CPPED1: variants seen among roughly 807,000 people sequenced by gnomAD.
CPPED1 encodes the protein calcineurin like phosphoesterase domain containing 1.
Under a neutral mutation model 28.0 loss-of-function variants are expected in CPPED1, and 28 were observed. The ratio of observed to expected loss-of-function variants is 1.00; its 90% CI spans 0.74 to 1.37. CPPED1 has a LOEUF of 1.37. Ranked by LOEUF, CPPED1 falls within the 40% of genes most tolerant of loss-of-function variation. The probability of loss-of-function intolerance (pLI) is 0.00; values close to 1 mark genes in which losing one functional copy is unlikely to be tolerated. For synonymous variants in CPPED1, 198 were observed against 180.2 expected (o/e 1.10, Z -0.79); for missense variants, 504 against 416.5 (o/e 1.21, Z -1.83).
intron 3 of CPPED1, among the ~76,000 whole-genome samples, chr16:12,672,917 G>A (rs181097535): frequency 2.5e-4 from 38 of 152,282 alleles, no homozygotes; most frequent in Middle Eastern, 6.8e-3. Flanking sequence ...GGGAGGCTGA[G>A]GCATAAGAAT....
intron 3 of CPPED1, among the ~76,000 whole-genome samples, chr16:12,686,331 G>A (rs1259122171): frequency 3.3e-5 from 5 of 151,800 alleles, no homozygotes; most frequent in African/African-American, 1.2e-4. Context: ...AGCTTCCCCA[G>A]TAGCTGGGAC....
chr16:12,664,901 C>T lies in CPPED1; in HGVS notation c.930G>A (p.Leu310=). The change falls in exon 4 of 4, where the codon TTG becomes TTA. Residue 310 remains leucine, a synonymous_variant. Coordinates refer to ENST00000381774, the MANE Select transcript of CPPED1 (RefSeq NM_018340.3). The surrounding 1 kb of genome is among the most constrained non-coding windows in gnomAD (Gnocchi z 4.2). Reference sequence around the variant, plus strand: ...GGAAGGAGCGTCATTTTTTCTTGATCAAATCCATGAGATCGTCTTCTATTC... The same window carrying T: ...GGAAGGAGCGTCATTTTTTCTTGATTAAATCCATGAGATCGTCTTCTATTC... The part of the protein sequence containing the change: ...EKGIEDDLMD[L]IKKK 4 of 1,604,302 alleles carry T rather than the reference C, an allele frequency of 2.5e-6. No homozygotes were observed. The highest frequency in any genetic ancestry group is 3.4e-6 in the Non-Finnish European group (4 of 1,176,764).
intron 2 of CPPED1, among the ~76,000 whole-genome samples, chr16:12,716,957 T>C (rs772082271): frequency 1.3e-5 from 2 of 152,084 alleles, no homozygotes; most frequent in African/African-American, 4.8e-5. Context: ...ACTAAGCCAG[T>C]TGGGAGGCAC....
chr16:12,679,180 T>C (rs931667327), intron 3 of CPPED1, among the ~76,000 whole-genome samples: 3 of 152,238 alleles, frequency 2.0e-5, no homozygotes, highest in African/African-American at 7.2e-5. Context: ...GAGTAACTGC[T>C]ATCCTCCCCA....
At chr16:12,787,463 T>A (rs2080570972) in intron 1 of CPPED1, among the ~76,000 whole-genome samples, 1 of 149,806 alleles carries the variant, frequency 6.7e-6, no homozygotes, top group Non-Finnish European at 1.5e-5. Flanking sequence ...TGCAGTGCGG[T>A]GGCGTGGTCT....
chr16:12,681,715 A>G (rs1327843904), intron 3 of CPPED1, among the ~76,000 whole-genome samples: 3 of 152,096 alleles, frequency 2.0e-5, no homozygotes, highest in Non-Finnish European at 4.4e-5. Context: ...GAAAGAGTGG[A>G]TGGAAGAGGT....
chr16:12,748,311 T>C (rs367750781), intron 2 of CPPED1, among the ~76,000 whole-genome samples: 1 of 152,210 alleles, frequency 6.6e-6, no homozygotes, highest in Non-Finnish European at 1.5e-5. Flanking sequence ...TCCATATGAA[T>C]GATCCATATG....
At chr16:12,727,134 C>T (rs1306921305) in intron 2 of CPPED1, among the ~76,000 whole-genome samples, 1 of 152,208 alleles carries the variant, frequency 6.6e-6, no homozygotes, top group African/African-American at 2.4e-5. Context: ...TGGCCACATT[C>T]AGTTCAGTAG....
chr16:12,727,015 T>C (rs1231226144), intron 2 of CPPED1, among the ~76,000 whole-genome samples: 1 of 152,034 alleles, frequency 6.6e-6, no homozygotes, highest in Non-Finnish European at 1.5e-5. Context: ...CTGCCCCTCA[T>C]TTCTAAGGAC....
intron 3 of CPPED1, among the ~76,000 whole-genome samples, chr16:12,701,078 A>C (rs1567280101): frequency 6.6e-6 from 1 of 152,166 alleles, no homozygotes; most frequent in East Asian, 1.9e-4. Context: ...AAAATAAAAA[A>C]ATTAGCCAGG....
rs563343556 is a variant in CPPED1 at position 12,782,811 on chromosome 16, C to A, written c.71-1408G>T. On this transcript the variant is annotated intron_variant, in intron 1 of 3. Coordinates refer to ENST00000381774, the MANE Select transcript of CPPED1 (RefSeq NM_018340.3). ...GCTTGAACCCGGAAGGCGGAGGTTG[C>A]AGTGAGCCAAGATCACGTCACTGCA... Among the ~76,000 whole-genome samples the A allele has an allele frequency of 2.6e-5, 4 of 152,134 alleles. No homozygotes were observed. In the East Asian group the frequency reaches 7.8e-4, roughly 29 times the overall value.
intron 1 of CPPED1, among the ~76,000 whole-genome samples, chr16:12,783,083 C>G (rs1033919124): frequency 1.3e-5 from 2 of 152,146 alleles, no homozygotes; most frequent in Non-Finnish European, 2.9e-5. Flanking sequence ...GTGACCAAGA[C>G]AGATGAGTCC....
Position 12,758,636 on chromosome 16 carries a change from C to T in CPPED1, c.289+22549G>A, listed in dbSNP as rs1293551611. On this transcript the variant is annotated intron_variant, in intron 2 of 3. Coordinates refer to ENST00000381774, the MANE Select transcript of CPPED1 (RefSeq NM_018340.3). The stretch of plus-strand genomic sequence containing the variant: ...ATGTCTTCACTTTCTGACTTTAAAA[C>T]CCAGACTCTTCACCATTAGATCATG... 3.9e-5 allele frequency among the ~76,000 whole-genome samples: 6 copies of T among 152,308 alleles called. No homozygotes were observed. In the South Asian group the frequency reaches 1.2e-3, roughly 32 times the overall value.
chr16:12,725,680 G>C (rs943513618), intron 2 of CPPED1, among the ~76,000 whole-genome samples: 18 of 152,136 alleles, frequency 1.2e-4, no homozygotes, highest in Admixed American at 4.6e-4. Context: ...ACGGGGGGAA[G>C]TGTGGAGACC....
chr16:12,781,473 C>G, intron 1 of CPPED1, 70 bp from the exon 2 acceptor site: 1 of 1,368,090 alleles, frequency 7.3e-7, no homozygotes, highest in Non-Finnish European at 1.0e-6. Flanking sequence ...ACCAGCTTCC[C>G]ATGCAAAGTG....
chr16:12,701,053 C>A (rs2080017761), intron 3 of CPPED1, among the ~76,000 whole-genome samples: 1 of 151,980 alleles, frequency 6.6e-6, no homozygotes, highest in African/African-American at 2.4e-5. Context: ...CACAGTGAGA[C>A]CTCCATCTCT....
intron 2 of CPPED1, among the ~76,000 whole-genome samples, chr16:12,743,623 G>C (rs2080267527): frequency 6.6e-6 from 1 of 152,166 alleles, no homozygotes; most frequent in South Asian, 2.1e-4. Flanking sequence ...AAGTTACCAA[G>C]AAAAAGTCAT....
intron 2 of CPPED1, among the ~76,000 whole-genome samples, chr16:12,716,775 AC>A (rs757916289): frequency 6.6e-6 from 1 of 152,208 alleles, no homozygotes; most frequent in Non-Finnish European, 1.5e-5. Context: ...CACCCCTGCT[AC>A]CCACTGTGTG....
chr16:12,743,670 G>T (rs150132254), intron 2 of CPPED1, among the ~76,000 whole-genome samples: 121 of 152,308 alleles, frequency 7.9e-4, no homozygotes, highest in Non-Finnish European at 1.5e-3. Flanking sequence ...GATGAACAGA[G>T]AATGCAGAGA....
Sources: allele counts gnomAD v4.1 joint callset (sites outside exome capture counted in the v4.1 genomes callset), GRCh38; gene constraint gnomAD v4.1.1; non-coding constraint Gnocchi (gnomAD v3.1); transcripts MANE v1.5; gene names NCBI Gene and HGNC (gene_info 2026-07-23, HGNC 2026-07-21).